PRKG1: variants seen among roughly 807,000 people sequenced by gnomAD.
PRKG1 encodes the protein protein kinase cGMP-dependent 1, also known as cGMP-dependent protein kinase 1.
In PRKG1, 35 loss-of-function variants were observed where a neutral mutation model predicts 88.1. The observed-to-expected ratio is 0.40, with a 90% CI of 0.30 to 0.53. PRKG1 has a LOEUF of 0.53. PRKG1 is among the 20% of genes least tolerant of loss of function. The pLI, the probability that PRKG1 is intolerant of heterozygous loss-of-function variation, is 0.59. For missense variants in PRKG1, 540 were observed against 839.8 expected, an observed-to-expected ratio of 0.64 and a Z score of 4.41; for synonymous variants, 303 against 292.5, an observed-to-expected ratio of 1.04 and a Z score of -0.37.
intron 4 of PRKG1, among the ~76,000 whole-genome samples, chr10:51,849,992 A>G (rs1281386188): frequency 3.9e-5 from 6 of 152,224 alleles, no homozygotes; most frequent in Admixed American, 3.9e-4. Flanking sequence ...TGGAAAGAGA[A>G]AAAGTTGAAC....
At chr10:51,077,729 G>T (rs1266394596) in intron 1 of PRKG1, among the ~76,000 whole-genome samples, 5 of 152,052 alleles carry the variant, frequency 3.3e-5, no homozygotes, top group Non-Finnish European at 1.5e-5. Flanking sequence ...GGTTTTTATT[G>T]GTCTCTTTCA....
chr10:51,058,700 T>C (rs558927931), intron 1 of PRKG1, among the ~76,000 whole-genome samples: 1 of 152,302 alleles, frequency 6.6e-6, no homozygotes, highest in South Asian at 2.1e-4. Flanking sequence ...GAGTGCTTTC[T>C]CTTTCTTGTT....
At chr10:51,886,470 A>G (rs761775939) in intron 4 of PRKG1, among the ~76,000 whole-genome samples, 1 of 152,174 alleles carries the variant, frequency 6.6e-6, no homozygotes, top group Non-Finnish European at 1.5e-5. Flanking sequence ...AATTCCCAGT[A>G]CTTTTCATGT....
intron 3 of PRKG1, among the ~76,000 whole-genome samples, chr10:51,798,015 T>G (rs1321033969): frequency 6.6e-6 from 1 of 152,102 alleles, no homozygotes; most frequent in East Asian, 1.9e-4. Flanking sequence ...TTTAATTGTA[T>G]GTATACACCA....
chr10:51,186,954 T>TTATATATATATATATATATATATATA (rs3061211), intron 2 of PRKG1, among the ~76,000 whole-genome samples: 1 of 131,260 alleles, frequency 7.6e-6, no homozygotes, highest in African/African-American at 3.0e-5. Flanking sequence ...AGGCCCTGTG[T>TTATATATATATATATATATATATATA]TATATATATA....
At chr10:51,081,072 T>A (rs1844097310) in intron 1 of PRKG1, among the ~76,000 whole-genome samples, 1 of 152,208 alleles carries the variant, frequency 6.6e-6, no homozygotes, top group Non-Finnish European at 1.5e-5. Flanking sequence ...TTTATAAGCA[T>A]ACTACTCTCC....
chr10:51,726,136 A>T (rs1842125518), intron 3 of PRKG1, among the ~76,000 whole-genome samples: 1 of 151,980 alleles, frequency 6.6e-6, no homozygotes. Flanking sequence ...TGTTTGTCAA[A>T]TTTTCTTTTT....
chr10:51,972,902 AC>A (rs1843743278), intron 5 of PRKG1, among the ~76,000 whole-genome samples: 2 of 152,136 alleles, frequency 1.3e-5, no homozygotes, highest in Non-Finnish European at 2.9e-5. Context: ...AGTTCTGCCC[AC>A]AGCAATTCCT....
chr10:51,344,141 T>G (rs1426825170), intron 2 of PRKG1, among the ~76,000 whole-genome samples: 1 of 152,166 alleles, frequency 6.6e-6, no homozygotes, highest in Non-Finnish European at 1.5e-5. Flanking sequence ...ACAGGAAGCA[T>G]GAGGCTGACA....
intron 8 of PRKG1, among the ~76,000 whole-genome samples, chr10:52,152,670 C>T (rs1260979885): frequency 6.6e-6 from 1 of 151,972 alleles, no homozygotes; most frequent in Admixed American, 6.6e-5. Flanking sequence ...AAGAGTGACA[C>T]GATCTGATTT....
intron 2 of PRKG1, among the ~76,000 whole-genome samples, chr10:51,296,271 T>C (rs979381116): frequency 6.6e-6 from 1 of 152,270 alleles, no homozygotes; most frequent in South Asian, 2.1e-4. Flanking sequence ...TTTGATTGTC[T>C]ATTAGAATTC....
intron 3 of PRKG1, among the ~76,000 whole-genome samples, chr10:51,472,073 G>C (rs536497258): frequency 7.9e-5 from 12 of 151,812 alleles, no homozygotes; most frequent in African/African-American, 2.7e-4. Context: ...TAATAATGTT[G>C]GGTAAAAAAC....
chr10:51,698,095 T>C (rs1841351932), intron 3 of PRKG1: 8 of 1,614,054 alleles, frequency 5.0e-6, no homozygotes, highest in African/African-American at 1.3e-5. Context: ...GAGGGCCACC[T>C]GCCCCTATAT....
At chr10:52,194,796 T>C (rs1482181785) in intron 9 of PRKG1, among the ~76,000 whole-genome samples, 2 of 152,162 alleles carry the variant, frequency 1.3e-5, no homozygotes, top group Non-Finnish European at 2.9e-5. Context: ...ATCCAGGTAA[T>C]GACATTTTCA....
At chr10:51,060,799 A>C (rs1044079619) in intron 1 of PRKG1, among the ~76,000 whole-genome samples, 1 of 152,144 alleles carries the variant, frequency 6.6e-6, no homozygotes, top group African/African-American at 2.4e-5. Flanking sequence ...GTAGGTAACA[A>C]ATTCTCTAGT....
chr10:52,039,417 T>C (rs372811635), intron 5 of PRKG1, among the ~76,000 whole-genome samples: 3,608 of 152,108 alleles, frequency 0.024, 127 homozygotes, highest in African/African-American at 0.081. Context: ...CATTTACACT[T>C]CTTTTGTGGT....
intron 2 of PRKG1, among the ~76,000 whole-genome samples, chr10:51,307,632 G>A (rs77887714): frequency 0.032 from 4,795 of 152,204 alleles, 127 homozygotes; most frequent in South Asian, 0.076. Flanking sequence ...AGTAGAGGCT[G>A]TCCCGAGTAG....
At chr10:51,255,594 A>G (rs1020071774) in intron 2 of PRKG1, among the ~76,000 whole-genome samples, 1 of 152,120 alleles carries the variant, frequency 6.6e-6, no homozygotes, top group Admixed American at 6.6e-5. Flanking sequence ...GAGATTGTCA[A>G]TAAGATGGAT....
intron 3 of PRKG1, among the ~76,000 whole-genome samples, chr10:51,564,760 G>A (rs924346926): frequency 1.3e-5 from 2 of 152,004 alleles, no homozygotes; most frequent in Non-Finnish European, 2.9e-5. Context: ...TTCGTATGTA[G>A]GATTTCATAT....
Sources: gnomAD v4.1 joint callset for allele counts (sites outside exome capture counted in the v4.1 genomes callset) on GRCh38, gnomAD v4.1.1 for gene constraint, MANE v1.5 for transcripts, NCBI Gene and HGNC (gene_info 2026-07-23, HGNC 2026-07-21) for gene names.